Variants in C1orf21 observed in about 807,000 individuals in gnomAD.
The protein encoded by C1orf21 is chromosome 1 open reading frame 21.
A neutral mutation model predicts 18.7 loss-of-function variants in C1orf21; 3 were observed. The observed-to-expected ratio is 0.16, with a 90% confidence interval of 0.07 to 0.42. The LOEUF (loss-of-function observed/expected upper bound fraction) is 0.42, where lower values mean the gene tolerates loss of function less well. C1orf21 is among the 10% of genes least tolerant of loss of function. The pLI, the probability that C1orf21 is intolerant of heterozygous loss-of-function variation, is 0.99. For synonymous variants in C1orf21, 41 were observed against 46.4 expected (o/e 0.88, Z 0.47); for missense variants, 104 against 143.6 (o/e 0.72, Z 1.41).
intron 1 of C1orf21, among the ~76,000 whole-genome samples, chr1:184,426,836 T>C (rs144977887): frequency 8.5e-5 from 13 of 152,300 alleles, no homozygotes; most frequent in Non-Finnish European, 1.0e-4. Context: ...CCTGACACAC[T>C]GTAGATGCTC....
intron 3 of C1orf21, among the ~76,000 whole-genome samples, chr1:184,555,677 C>T (rs2180073): frequency 0.51 from 77,854 of 151,272 alleles, 20,610 homozygotes; most frequent in African/African-American, 0.66. Flanking sequence ...TGGCTTTACT[C>T]TCAGGAGCGG....
At chr1:184,436,309 A>G (rs1656857195) in intron 1 of C1orf21, among the ~76,000 whole-genome samples, 1 of 152,124 alleles carries the variant, frequency 6.6e-6, no homozygotes, top group African/African-American at 2.4e-5. Flanking sequence ...TCTTTTCTTT[A>G]TGAAGTGCAT....
intron 1 of C1orf21, among the ~76,000 whole-genome samples, chr1:184,389,208 A>G (rs1655933517): frequency 6.6e-6 from 1 of 152,064 alleles, no homozygotes; most frequent in Non-Finnish European, 1.5e-5. Flanking sequence ...AAGGGCAACA[A>G]AGACCAGTGC....
intron 1 of C1orf21, among the ~76,000 whole-genome samples, chr1:184,391,624 A>G (rs1228827593): frequency 6.6e-6 from 1 of 152,252 alleles, no homozygotes; most frequent in African/African-American, 2.4e-5. Flanking sequence ...GCCCCATATT[A>G]TGCCTCAGGT....
chr1:184,577,748 T>A (rs57780220), intron 3 of C1orf21, among the ~76,000 whole-genome samples: 28,742 of 152,092 alleles, frequency 0.19, 2,989 homozygotes, highest in African/African-American at 0.27. Flanking sequence ...GTTTAGCAAT[T>A]CTGCACAAAT....
chr1:184,581,783 A>G (rs1659280686), intron 3 of C1orf21, among the ~76,000 whole-genome samples: 1 of 152,212 alleles, frequency 6.6e-6, no homozygotes. Context: ...TCTACCTTGA[A>G]AAGCAACTTT....
At position 184,626,607 on chromosome 1, in the gene C1orf21, G is replaced by A. The variant is rs1049591422; in HGVS notation, c.*7051G>A. 1 of 152,400 alleles carries A rather than the reference G, an allele frequency of 6.6e-6. No homozygotes were observed. The highest frequency in any genetic ancestry group is 1.5e-5 in the Non-Finnish European group (1 of 68,190). 9.4% of individuals were successfully genotyped at this position (152,400 alleles called of 1,614,324 possible). ...TGTGTCCTCTGCAGCCCACTGCTGA[G>A]GTCCTCCAGACAGGTAAGGTGTGGT... On this transcript the variant is annotated 3_prime_UTR_variant, in exon 6 of 6. Transcript: ENST00000235307.
chr1:184,479,660 C>T (rs1172736843), intron 2 of C1orf21, among the ~76,000 whole-genome samples: 1 of 122,628 alleles, frequency 8.2e-6, no homozygotes, highest in Non-Finnish European at 1.6e-5. Context: ...TGCTCTGTGG[C>T]CTAGGCTGGA....
intron 1 of C1orf21, among the ~76,000 whole-genome samples, chr1:184,401,299 C>T (rs1470600191): frequency 6.6e-6 from 1 of 152,184 alleles, no homozygotes; most frequent in Non-Finnish European, 1.5e-5. Context: ...CGGCTCACTG[C>T]AACCTCCACC....
intron 1 of C1orf21, among the ~76,000 whole-genome samples, chr1:184,416,998 G>A (rs1241918871): frequency 6.6e-6 from 1 of 152,174 alleles, no homozygotes; most frequent in Non-Finnish European, 1.5e-5. Flanking sequence ...AATTAGGCCA[G>A]TTTAGTGACA....
At chr1:184,597,725 C>T (rs886898402) in intron 4 of C1orf21, among the ~76,000 whole-genome samples, 1 of 152,172 alleles carries the variant, frequency 6.6e-6, no homozygotes, top group African/African-American at 2.4e-5. Flanking sequence ...CTGTCCTTAC[C>T]ATCTTATTTT....
At chr1:184,483,836 C>A (rs138548230) in intron 2 of C1orf21, among the ~76,000 whole-genome samples, 1 of 150,526 alleles carries the variant, frequency 6.6e-6, no homozygotes, top group Admixed American at 6.7e-5. Context: ...GCCAATAAAT[C>A]CCAAATCCTT....
At chr1:184,547,727 G>T (rs1010200689) in intron 3 of C1orf21, among the ~76,000 whole-genome samples, 1 of 152,090 alleles carries the variant, frequency 6.6e-6, no homozygotes, top group Non-Finnish European at 1.5e-5. Context: ...CTAAAAATTT[G>T]AATAGATGAA....
intron 2 of C1orf21, among the ~76,000 whole-genome samples, chr1:184,488,897 G>A (rs1227271177): frequency 3.3e-5 from 5 of 152,096 alleles, no homozygotes; most frequent in Admixed American, 6.5e-5. Context: ...CCCAGGAGGC[G>A]GAGGTTGCAG....
chr1:184,517,134 CTATT>C (rs68149232), intron 3 of C1orf21, among the ~76,000 whole-genome samples: 25,689 of 152,098 alleles, frequency 0.17, 2,420 homozygotes, highest in Admixed American at 0.29. Flanking sequence ...TCATATTACT[CTATT>C]TGTTAGAATA....
intron 3 of C1orf21, among the ~76,000 whole-genome samples, chr1:184,582,995 T>C (rs538943946): frequency 7.2e-5 from 11 of 152,230 alleles, no homozygotes; most frequent in Admixed American, 3.3e-4. Flanking sequence ...CACGTCACCA[T>C]GCCTGGCTAA....
At chr1:184,451,687 G>A (rs1433138984) in intron 1 of C1orf21, among the ~76,000 whole-genome samples, 4 of 151,996 alleles carry the variant, frequency 2.6e-5, no homozygotes, top group Admixed American at 6.6e-5. Context: ...ACACAGACAC[G>A]TTTCTCTAAA....
At chr1:184,606,611 A>C (rs1442387147) in intron 5 of C1orf21, among the ~76,000 whole-genome samples, 1 of 152,052 alleles carries the variant, frequency 6.6e-6, no homozygotes, top group Non-Finnish European at 1.5e-5. Context: ...CTATCAGCCT[A>C]AATATGCTTG....
intron 3 of C1orf21, among the ~76,000 whole-genome samples, chr1:184,533,887 C>T (rs1290467377): frequency 2.6e-5 from 4 of 152,182 alleles, no homozygotes; most frequent in Non-Finnish European, 5.9e-5. Context: ...GCCTTTGTTT[C>T]TTTGCCATAT....
Sources: gnomAD v4.1 joint callset for allele counts (sites outside exome capture counted in the v4.1 genomes callset) on GRCh38, gnomAD v4.1.1 for gene constraint, MANE v1.5 for transcripts, NCBI Gene and HGNC (gene_info 2026-07-23, HGNC 2026-07-21) for gene names.